PDGFRA: variants seen among roughly 807,000 people sequenced by gnomAD.
The protein encoded by PDGFRA is platelet derived growth factor receptor alpha, also known as platelet-derived growth factor receptor alpha.
Under a neutral mutation model 121.5 loss-of-function variants are expected in PDGFRA, and 25 were observed. The observed-to-expected ratio is 0.21, with a 90% CI of 0.15 to 0.29. PDGFRA has a LOEUF of 0.29. PDGFRA is among the 10% of genes least tolerant of loss of function. The pLI is 1.00. For synonymous variants in PDGFRA, 463 were observed against 494.8 expected (o/e 0.94, Z 0.85); for missense variants, 1,008 against 1,345.1 (o/e 0.75, Z 3.92).
intron 7 of PDGFRA, among the ~76,000 whole-genome samples, chr4:54,270,207 A>G (rs1022098458): frequency 2.0e-5 from 3 of 152,194 alleles, no homozygotes; most frequent in African/African-American, 7.2e-5. Context: ...AAGTGTCCTC[A>G]TTCTATCCTC....
At chr4:54,273,893 G>GT (rs1723557272) in intron 10 of PDGFRA, among the ~76,000 whole-genome samples, 163 bp downstream of exon 10, 2 of 152,184 alleles carry the variant, frequency 1.3e-5, no homozygotes. Flanking sequence ...ATTTTGTTTT[G>GT]TTTTTTGAGA....
intron 15 of PDGFRA, 117 bp downstream of exon 15, chr4:54,278,632 T>TA (rs1418190396): frequency 1.0e-6 from 1 of 989,338 alleles, no homozygotes; most frequent in Non-Finnish European, 1.6e-6. Context: ...TAGCAAGACT[T>TA]AGAGTCAAAC....
intron 8 of PDGFRA, among the ~76,000 whole-genome samples, chr4:54,272,156 T>G (rs1474057701): frequency 6.6e-6 from 1 of 151,476 alleles, no homozygotes; most frequent in East Asian, 2.0e-4. Flanking sequence ...GACTTTTCAC[T>G]TTCTTCACTC....
chr4:54,277,153 T>C, intron 12 of PDGFRA: 1 of 556,100 alleles, frequency 1.8e-6, no homozygotes, highest in Non-Finnish European at 3.3e-6. Flanking sequence ...CCCTCCTTTC[T>C]CCCGTCTGTG....
At chr4:54,242,804 C>T (rs535577718) in intron 1 of PDGFRA, among the ~76,000 whole-genome samples, 7 of 152,196 alleles carry the variant, frequency 4.6e-5, no homozygotes, top group African/African-American at 9.6e-5. Context: ...CCACAGACCT[C>T]GTTTTGGGAG....
chr4:54,272,439 C>T lies in PDGFRA; in HGVS notation c.1283C>T (p.Thr428Ile), dbSNP rs762651640. 3.7e-6 allele frequency: 6 copies of T among 1,613,960 alleles called. No individual in the cohort carries two copies. Among genetic ancestry groups the T allele is most frequent in the African/African-American group, 2.7e-5 (2 of 75,026 alleles). Residue 428 changes from threonine (T) to isoleucine (I), a missense_variant, in exon 9 of 23, where the codon ACT (threonine) becomes ATT (isoleucine). This residue lies in a region of PDGFRA where 575 missense variants were observed against 701.8 expected (regional missense o/e 0.82). Transcript: ENST00000257290. ...TTGGTCGATGATCACCATGGCTCAACTGGGGGACAGACGGTGAGGTGCACA... is the reference window on the plus strand; with the variant it reads ...TTGGTCGATGATCACCATGGCTCAATTGGGGGACAGACGGTGAGGTGCACA... The part of the protein sequence containing the change: ...LDLVDDHHGS[T>I]GGQTVRCTAE...
chr4:54,245,236 C>T (rs368852652), intron 1 of PDGFRA, among the ~76,000 whole-genome samples: 10 of 151,254 alleles, frequency 6.6e-5, no homozygotes, highest in South Asian at 2.1e-4. Flanking sequence ...AGATACTCCT[C>T]GAGAAGAGCA....
At chr4:54,232,669 C>T (rs71597870) in intron 1 of PDGFRA, among the ~76,000 whole-genome samples, 1 of 152,236 alleles carries the variant, frequency 6.6e-6, no homozygotes, top group South Asian at 2.1e-4. Flanking sequence ...ACTGCAACCT[C>T]TGCCTCCCAG....
At chr4:54,245,324 T>A (rs1721576605) in intron 1 of PDGFRA, among the ~76,000 whole-genome samples, 1 of 152,148 alleles carries the variant, frequency 6.6e-6, no homozygotes, top group Non-Finnish European at 1.5e-5. Context: ...TAAGGTCAGG[T>A]TACCCACAAA....
At chr4:54,281,117 G>C (rs1476000840) in intron 16 of PDGFRA, among the ~76,000 whole-genome samples, 1 of 152,190 alleles carries the variant, frequency 6.6e-6, no homozygotes. Flanking sequence ...GGGTTAAATT[G>C]ATTTATAAAC....
At chr4:54,284,553 T>TGAGAGAGAGA (rs1446665217) in intron 16 of PDGFRA, among the ~76,000 whole-genome samples, 7 of 72,972 alleles carry the variant, frequency 9.6e-5, no homozygotes, top group African/African-American at 3.3e-4. Flanking sequence ...CAGGAGCAAG[T>TGAGAGAGAGA]GAGAGAGAGA....
chr4:54,288,692 A>C, intron 19 of PDGFRA, 107 bp from the exon 20 acceptor site: 1 of 777,192 alleles, frequency 1.3e-6, no homozygotes, highest in South Asian at 1.4e-5. Context: ...CCAGTGCTTC[A>C]AGGCTATAGG....
chr4:54,272,783 A>G (rs1723476540), intron 9 of PDGFRA, among the ~76,000 whole-genome samples: 1 of 152,162 alleles, frequency 6.6e-6, no homozygotes, highest in South Asian at 2.1e-4. Flanking sequence ...TGGCTCACAT[A>G]TCTTATTTGG....
intron 16 of PDGFRA, among the ~76,000 whole-genome samples, chr4:54,284,566 G>GAC (rs1724222326): frequency 8.6e-6 from 1 of 116,214 alleles, no homozygotes; most frequent in Admixed American, 8.3e-5. Flanking sequence ...GAGAGAGACA[G>GAC]AGAGAGAGAG....
intron 4 of PDGFRA, chr4:54,264,691 T>G (rs539501845): frequency 2.8e-5 from 13 of 459,698 alleles, no homozygotes; most frequent in African/African-American, 2.6e-4. Flanking sequence ...TGATTGGAAT[T>G]TATTTTTATT....
chr4:54,294,766 C>T (rs1732738073), intron 22 of PDGFRA, among the ~76,000 whole-genome samples: 1 of 152,158 alleles, frequency 6.6e-6, no homozygotes, highest in African/African-American at 2.4e-5. Context: ...CTGGCTGCAG[C>T]TTGCACCCTG....
intron 2 of PDGFRA, among the ~76,000 whole-genome samples, chr4:54,260,456 G>C (rs1203217915): frequency 7.7e-6 from 1 of 130,670 alleles, no homozygotes; most frequent in East Asian, 2.3e-4. Flanking sequence ...TATTGCCCAG[G>C]TTGGAGTGCA....
In PDGFRA at chr4:54,288,848, G is replaced by A. The variant is rs2110344693; in HGVS notation, c.2724G>A (p.Lys908=). 6.2e-7 allele frequency: 1 copy of A among 1,613,722 alleles called. No individual in the cohort carries two copies. Among genetic ancestry groups the A allele is most frequent in the Non-Finnish European group, 8.5e-7 (1 of 1,179,600 alleles). The part of the protein sequence containing the change: ...GMMVDSTFYN[K]IKSGYRMAKP... The stretch of plus-strand genomic sequence containing the variant: ...TGGTGGATTCTACTTTCTACAATAA[G>A]ATCAAGAGTGGGTACCGGATGGCCA... The change falls in exon 20 of 23, where the codon AAG becomes AAA. Residue 908 remains lysine (K), a synonymous_variant. Coordinates refer to ENST00000257290, the MANE Select transcript of PDGFRA (RefSeq NM_006206.6).
In PDGFRA at chr4:54,274,623, C is replaced by T. The variant is rs770950644; in HGVS notation, c.1651C>T (p.Gln551Ter). ...TATTGTCCTGGTTGTCATTTGGAAACAGGTAGATATTTTCTCATAAAACTA... is the reference window on the plus strand; with the variant it reads ...TATTGTCCTGGTTGTCATTTGGAAATAGGTAGATATTTTCTCATAAAACTA... ...SLIVLVVIWK[Q>*]KPRYEIRWRV... The change falls in exon 11 of 23, where the codon CAG becomes TAG. Residue 551 changes from glutamine (Q) to a stop codon, truncating the protein, a stop_gained and splice_region_variant. Transcript: ENST00000257290. LOFTEE classifies it high-confidence loss of function. 3 of 1,607,772 alleles carry T rather than the reference C, an allele frequency of 1.9e-6. No homozygotes were observed. The highest frequency in any genetic ancestry group is 2.6e-6 in the Non-Finnish European group (3 of 1,174,160).
Sources: allele counts gnomAD v4.1 joint callset (sites outside exome capture counted in the v4.1 genomes callset), GRCh38; gene constraint gnomAD v4.1.1; regional missense constraint gnomAD v4.1.1; transcripts MANE v1.5; gene names NCBI Gene and HGNC (gene_info 2026-07-23, HGNC 2026-07-21).